Variants in ZHX2 observed in about 807,000 individuals in gnomAD.
ZHX2 encodes the protein zinc fingers and homeoboxes protein 2.
Under a neutral mutation model 21.9 loss-of-function variants are expected in ZHX2, and 6 were observed. That is an observed-to-expected ratio of 0.27 (90% confidence interval 0.15 to 0.54). The LOEUF (loss-of-function observed/expected upper bound fraction) is 0.54. ZHX2 is among the 20% of genes least tolerant of loss of function. The pLI, the probability that ZHX2 is intolerant of heterozygous loss-of-function variation, is 0.95. For synonymous variants in ZHX2, 434 were observed against 437.1 expected (o/e 0.99, Z 0.09); for missense variants, 908 against 1,090.7 (o/e 0.83, Z 2.36).
chr8:122,806,346 T>A (rs940717935), intron 1 of ZHX2, among the ~76,000 whole-genome samples: 1 of 152,188 alleles, frequency 6.6e-6, no homozygotes, highest in African/African-American at 2.4e-5. Flanking sequence ...CCCTACCCAA[T>A]AGAGCCACTA....
intron 1 of ZHX2, among the ~76,000 whole-genome samples, chr8:122,817,534 C>T (rs1001861116): frequency 6.6e-6 from 1 of 152,174 alleles, no homozygotes; most frequent in African/African-American, 2.4e-5. Flanking sequence ...GAAAAGGGGG[C>T]TGCAAAGAGG....
chr8:122,880,474 G>A (rs1257867199), intron 2 of ZHX2, among the ~76,000 whole-genome samples: 2 of 151,450 alleles, frequency 1.3e-5, no homozygotes, highest in African/African-American at 4.8e-5. Flanking sequence ...GGAACCTTGA[G>A]ATAGAGATGC....
intron 2 of ZHX2, among the ~76,000 whole-genome samples, chr8:122,912,749 CACCTACTA>C (rs1820512115): frequency 6.6e-6 from 1 of 152,112 alleles, no homozygotes; most frequent in Non-Finnish European, 1.5e-5. Context: ...AATACTTAAG[CACCTACTA>C]TGTCCCAGGT....
chr8:122,800,853 AAG>A (rs1371147081), intron 1 of ZHX2, among the ~76,000 whole-genome samples: 9 of 152,222 alleles, frequency 5.9e-5, no homozygotes, highest in Non-Finnish European at 1.0e-4. Flanking sequence ...GCTTGCCTGA[AAG>A]AGTTGTCAAA....
chr8:122,903,964 A>G (rs1054128617), intron 2 of ZHX2, among the ~76,000 whole-genome samples: 1 of 152,196 alleles, frequency 6.6e-6, no homozygotes, highest in African/African-American at 2.4e-5. Flanking sequence ...GGCATTATTT[A>G]TAAAACAAGC....
Position 122,873,210 on chromosome 8 carries a change from G to A in ZHX2, c.-220+9671G>A, listed in dbSNP as rs546932152. Among the ~76,000 whole-genome samples, 5 of 152,320 alleles carry A rather than the reference G, an allele frequency of 3.3e-5. 1 individual carries two copies. The highest frequency in any genetic ancestry group is 4.1e-4 in the South Asian group (2 of 4,826). Reference sequence around the variant, plus strand: ...GTTAAGAAAAAGGAGTGACCGTGGCGGTAATTCTCAGAGCAGACTCAGTGG... The same window carrying A: ...GTTAAGAAAAAGGAGTGACCGTGGCAGTAATTCTCAGAGCAGACTCAGTGG... On this transcript the variant is annotated intron_variant, in intron 2 of 3. Transcript: ENST00000314393.
chr8:122,828,673 A>G lies in ZHX2; in HGVS notation c.-282-34804A>G, dbSNP rs1000361999. On this transcript the variant is annotated intron_variant, in intron 1 of 3. Coordinates refer to ENST00000314393, the MANE Select transcript of ZHX2 (RefSeq NM_014943.5). The surrounding 1 kb of genome is among the most constrained non-coding windows in gnomAD (Gnocchi z 5.2). ...TGGTGGCCATGGGCACTGAGAAGGG[A>G]CTGCTCTGAGGGAATGAGTGGTTCA... Among the ~76,000 whole-genome samples, 11 of 152,112 alleles carry G rather than the reference A, an allele frequency of 7.2e-5. No individual in the cohort carries two copies. Among genetic ancestry groups the G allele is most frequent in the African/African-American group, 1.7e-4 (7 of 41,414 alleles).
intron 1 of ZHX2, among the ~76,000 whole-genome samples, chr8:122,805,509 G>T (rs976499244): frequency 6.6e-6 from 1 of 152,218 alleles, no homozygotes; most frequent in Admixed American, 6.5e-5. Context: ...ACATGGGCCA[G>T]CCCCACAGCA....
In ZHX2 at chr8:122,782,491, G is replaced by T. The variant is rs1426852957; in HGVS notation, c.-283+545G>T. ...CGCGTTTTGGCAGGCGGGGGGCTGC[G>T]TGTGTCTGCTCCCCTCCCTCCCCCT... is the stretch of plus-strand genomic sequence containing the variant. On this transcript the variant is annotated intron_variant, in intron 1 of 3. Coordinates refer to ENST00000314393, the MANE Select transcript of ZHX2 (RefSeq NM_014943.5). This position sits in a 1 kb window ranked among gnomAD's most constrained non-coding sequence, Gnocchi z 5.3. Among the ~76,000 whole-genome samples the T allele has an allele frequency of 6.6e-6, 1 of 152,144 alleles. No individual in the cohort carries two copies. The highest frequency in any genetic ancestry group is 1.5e-5 in the Non-Finnish European group (1 of 68,018).
chr8:122,954,011 C>G lies in ZHX2; in HGVS notation c.2501C>G (p.Ala834Gly). The change falls in exon 3 of 4, where the codon GCT becomes GGT. Residue 834 changes from alanine to glycine, a missense_variant. Around this residue, in one of 4 missense-constraint regions of ZHX2, gnomAD observed 431 missense variants for 428.6 expected, o/e 1.01. Coordinates refer to ENST00000314393, the MANE Select transcript of ZHX2 (RefSeq NM_014943.5). ...ESDSDCVPAE[A>G]GQA ...GACTCCGACTGCGTCCCTGCAGAGG[C>G]TGGCCAGGCCTAGACAGGTAATTCC... 6.3e-7 allele frequency: 1 copy of G among 1,600,000 alleles called. No individual in the cohort carries two copies. Among genetic ancestry groups the G allele is most frequent in the South Asian group, 1.1e-5 (1 of 88,326 alleles).
intron 3 of ZHX2, among the ~76,000 whole-genome samples, chr8:122,965,920 T>A (rs1198001629): frequency 2.0e-5 from 3 of 152,236 alleles, no homozygotes; most frequent in Non-Finnish European, 4.4e-5. Flanking sequence ...TTGTCTTTTT[T>A]AACTGTTGTT....
intron 2 of ZHX2, among the ~76,000 whole-genome samples, chr8:122,909,432 C>T (rs1489926283): frequency 7.2e-6 from 1 of 138,154 alleles, no homozygotes; most frequent in Non-Finnish European, 1.6e-5. Context: ...GAATCTGTCT[C>T]AAAAAGAAAA....
intron 1 of ZHX2, among the ~76,000 whole-genome samples, chr8:122,836,753 T>A (rs1363458867): frequency 1.3e-5 from 2 of 152,248 alleles, no homozygotes; most frequent in Non-Finnish European, 2.9e-5. Flanking sequence ...TCTTCCTGCT[T>A]CTGCTATTTT....
At chr8:122,787,237 C>G (rs576972346) in intron 1 of ZHX2, among the ~76,000 whole-genome samples, 5 of 152,134 alleles carry the variant, frequency 3.3e-5, no homozygotes, top group African/African-American at 9.7e-5. Flanking sequence ...CTCTTTCCCC[C>G]CTGGTAGACA....
intron 2 of ZHX2, among the ~76,000 whole-genome samples, chr8:122,895,982 A>G (rs1408954803): frequency 1.3e-5 from 2 of 152,082 alleles, no homozygotes; most frequent in African/African-American, 2.4e-5. Flanking sequence ...TAGGATTACC[A>G]TTATTGTTGA....
At chr8:122,856,167 C>T (rs1819017320) in intron 1 of ZHX2, among the ~76,000 whole-genome samples, 1 of 152,200 alleles carries the variant, frequency 6.6e-6, no homozygotes, top group Non-Finnish European at 1.5e-5. Context: ...TTTCTGGACT[C>T]AAAGCTCTTG....
intron 3 of ZHX2, among the ~76,000 whole-genome samples, chr8:122,959,590 G>C (rs1321420877): frequency 6.6e-6 from 1 of 152,160 alleles, no homozygotes; most frequent in Non-Finnish European, 1.5e-5. Flanking sequence ...TTAAAAGATA[G>C]TTGGGATCTG....
intron 2 of ZHX2, among the ~76,000 whole-genome samples, chr8:122,893,751 T>A (rs1285953799): frequency 6.6e-6 from 1 of 152,234 alleles, no homozygotes; most frequent in Non-Finnish European, 1.5e-5. Context: ...TGTCTATCTG[T>A]ATTCTTTGTA....
At position 122,953,080 on chromosome 8, in the gene ZHX2, G is replaced by A. The variant is rs1252989945; in HGVS notation, c.1570G>A (p.Ala524Thr). 1.9e-6 allele frequency: 3 copies of A among 1,613,900 alleles called. No individual in the cohort carries two copies. In the African/African-American group the frequency reaches 4.0e-5, roughly 22 times the overall value. ...AASRHGRTYH[A>T]YPDFAPQKFK... is the part of the protein sequence containing the mutation. ...CTCCCGACACGGTCGCACGTATCATGCGTACCCAGACTTTGCCCCCCAGAA... is the reference window on the plus strand; with the variant it reads ...CTCCCGACACGGTCGCACGTATCATACGTACCCAGACTTTGCCCCCCAGAA... The change falls in exon 3 of 4, where the codon GCG becomes ACG. Residue 524 changes from alanine to threonine, a missense_variant. Around this residue, in one of 4 missense-constraint regions of ZHX2, gnomAD observed 431 missense variants for 428.6 expected, o/e 1.01. Transcript: ENST00000314393. This position sits in a 1 kb window ranked among gnomAD's most constrained non-coding sequence, Gnocchi z 4.6.
Sources: gnomAD v4.1 joint callset for allele counts (sites outside exome capture counted in the v4.1 genomes callset) on GRCh38, gnomAD v4.1.1 for gene constraint, gnomAD v4.1.1 regional missense constraint, Gnocchi (gnomAD v3.1) non-coding constraint, MANE v1.5 for transcripts, NCBI Gene and HGNC (gene_info 2026-07-23, HGNC 2026-07-21) for gene names.